WWOX: variants seen among roughly 807,000 people sequenced by gnomAD.
The protein encoded by WWOX is WW domain containing oxidoreductase, also known as WW domain-containing oxidoreductase.
A neutral mutation model predicts 46.2 loss-of-function variants in WWOX; 69 were observed. That is an observed-to-expected ratio of 1.49 (90% CI 1.23 to 1.82). WWOX has a LOEUF of 1.82. Among genes scored for constraint, WWOX ranks in the 40% most tolerant of loss-of-function variants. The pLI is 0.00. For missense variants in WWOX, 919 were observed against 542.6 expected, an observed-to-expected ratio of 1.69 and a Z score of -6.89; for synonymous variants, 359 against 202.6, an observed-to-expected ratio of 1.77 and a Z score of -6.56.
At chr16:78,932,031 A>T (rs1046593969) in intron 8 of WWOX, among the ~76,000 whole-genome samples, 2 of 152,200 alleles carry the variant, frequency 1.3e-5, no homozygotes, top group African/African-American at 4.8e-5. Context: ...TTCTGCCGTG[A>T]TTGTGAGACT....
At chr16:78,506,556 A>T (rs1430244995) in intron 8 of WWOX, 3 of 152,016 alleles carry the variant, frequency 2.0e-5, no homozygotes, top group Admixed American at 2.0e-4. Context: ...GGATGCAGGG[A>T]CACAGAATCC....
At chr16:79,089,625 C>A (rs1467939899) in intron 8 of WWOX, among the ~76,000 whole-genome samples, 2 of 152,178 alleles carry the variant, frequency 1.3e-5, no homozygotes, top group African/African-American at 4.8e-5. Context: ...CCACCACGCC[C>A]TGCTAAGGTG....
At chr16:78,537,438 C>T (rs1467263054) in intron 8 of WWOX, among the ~76,000 whole-genome samples, 1 of 152,152 alleles carries the variant, frequency 6.6e-6, no homozygotes, top group East Asian at 1.9e-4. Context: ...AGATGTTGAG[C>T]CCATTAATGT....
chr16:78,744,496 G>T (rs1372632537), intron 8 of WWOX, among the ~76,000 whole-genome samples: 4 of 134,882 alleles, frequency 3.0e-5, no homozygotes, highest in Non-Finnish European at 4.5e-5. Context: ...CAGTGGCACA[G>T]TCTTGGCTCA....
At chr16:78,593,493 T>G (rs1423105728) in intron 8 of WWOX, among the ~76,000 whole-genome samples, 1 of 152,146 alleles carries the variant, frequency 6.6e-6, no homozygotes, top group Non-Finnish European at 1.5e-5. Context: ...CAGCCAGAGG[T>G]GGGCACATGA....
chr16:78,831,658 A>G (rs940908447), intron 8 of WWOX, among the ~76,000 whole-genome samples: 4 of 152,186 alleles, frequency 2.6e-5, no homozygotes, highest in Admixed American at 6.5e-5. Context: ...TGAAAGAGTG[A>G]TCATAATACT....
chr16:78,320,018 G>C lies in WWOX; in HGVS notation c.517-66842G>C, dbSNP rs1597478289. Among the ~76,000 whole-genome samples, 8 of 152,214 alleles carry C rather than the reference G, an allele frequency of 5.3e-5. No homozygotes were observed. The South Asian group carries it at 1.7e-3, about 32-fold the overall frequency. Reference sequence around the variant, plus strand: ...TTATATCTTTTAACTTTATTTCTTAGCACTTATCATGCTGTATGGATAATG... The same window carrying C: ...TTATATCTTTTAACTTTATTTCTTACCACTTATCATGCTGTATGGATAATG... On this transcript the variant is annotated intron_variant, in intron 5 of 8. Coordinates refer to ENST00000566780, the MANE Select transcript of WWOX (RefSeq NM_016373.4).
At chr16:79,091,741 GCA>G (rs940560906) in intron 8 of WWOX, among the ~76,000 whole-genome samples, 1 of 150,166 alleles carries the variant, frequency 6.7e-6, no homozygotes, top group Non-Finnish European at 1.5e-5. Flanking sequence ...GAGGGTTTCT[GCA>G]CACACCCGAC....
chr16:78,112,156 C>G (rs1399063707), intron 3 of WWOX, among the ~76,000 whole-genome samples: 2 of 152,200 alleles, frequency 1.3e-5, no homozygotes, highest in Non-Finnish European at 2.9e-5. Flanking sequence ...GGGCTGGACC[C>G]TACAACTTTA....
In WWOX at chr16:78,753,846, ATATATATATG is replaced by A. The variant is rs1282685209; in HGVS notation, c.1056+321100_1056+321109del. Among the ~76,000 whole-genome samples, 457 of 105,874 alleles carry A rather than the reference ATATATATATG, an allele frequency of 4.3e-3. 6 individuals carry two copies. Among genetic ancestry groups the A allele is most frequent in the African/African-American group, 0.015 (348 of 23,834 alleles). The allele number at this position is 105,874 out of a possible 152,430, so 69.5% of individuals were successfully genotyped here. A position where few individuals can be genotyped will look rare whatever the true frequency, so the allele number is the denominator to read the frequency against. ...AAAAAATATATATATATATATATAT[ATATATATATG>A]TATATGTATATGTATATATAAATTT... On this transcript the variant is annotated intron_variant, in intron 8 of 8. Transcript: ENST00000566780.
Position 78,099,788 on chromosome 16 carries a change from C to T in WWOX, c.10C>T (p.Leu4=), listed in dbSNP as rs751733610. MAA[L]RYAGLDDTDS... Reference sequence around the variant, plus strand: ...GCCTCCACAGTCAGCCATGGCAGCGCTGCGCTACGCGGGGCTGGACGACAC... The same window carrying T: ...GCCTCCACAGTCAGCCATGGCAGCGTTGCGCTACGCGGGGCTGGACGACAC... The change falls in exon 1 of 9, where the codon CTG becomes TTG. Residue 4 remains leucine (L), a synonymous_variant. Transcript: ENST00000566780. The T allele has an allele frequency of 1.3e-6, 2 of 1,557,606 alleles. No individual in the cohort carries two copies. The highest frequency in any genetic ancestry group is 1.2e-5 in the South Asian group (1 of 83,766).
intron 8 of WWOX, among the ~76,000 whole-genome samples, chr16:78,960,489 A>G (rs1163348544): frequency 6.6e-6 from 1 of 152,204 alleles, no homozygotes; most frequent in Non-Finnish European, 1.5e-5. Flanking sequence ...GCTTAAATCT[A>G]CTGGAGATTA....
At chr16:79,024,997 C>G (rs72795606) in intron 8 of WWOX, among the ~76,000 whole-genome samples, 3 of 152,168 alleles carry the variant, frequency 2.0e-5, no homozygotes, top group Admixed American at 1.3e-4. Flanking sequence ...AGGACCTGAG[C>G]TGATGTAAAT....
At chr16:78,139,973 A>G (rs995260446) in intron 4 of WWOX, among the ~76,000 whole-genome samples, 1 of 152,186 alleles carries the variant, frequency 6.6e-6, no homozygotes, top group Non-Finnish European at 1.5e-5. Flanking sequence ...AGGGCGTCCC[A>G]TAAGTTTTGA....
intron 8 of WWOX, among the ~76,000 whole-genome samples, chr16:78,489,148 T>C (rs57503379): frequency 0.04 from 6,045 of 152,256 alleles, 260 homozygotes; most frequent in African/African-American, 0.11. Flanking sequence ...TTAAGTTTTT[T>C]ATAGGAGTCA....
chr16:78,336,602 C>G (rs1195755302), intron 5 of WWOX, among the ~76,000 whole-genome samples: 1 of 151,122 alleles, frequency 6.6e-6, no homozygotes, highest in African/African-American at 2.4e-5. Flanking sequence ...GAGGACCTGT[C>G]AAACAACACA....
At chr16:78,810,094 A>G (rs865848716) in intron 8 of WWOX, among the ~76,000 whole-genome samples, 1 of 152,146 alleles carries the variant, frequency 6.6e-6, no homozygotes, top group Admixed American at 6.5e-5. Flanking sequence ...CCAGACCTAA[A>G]CCAGTGAATT....
At chr16:78,464,385 G>C in intron 8 of WWOX, among the ~76,000 whole-genome samples, 1 of 151,996 alleles carries the variant, frequency 6.6e-6, no homozygotes, top group East Asian at 1.9e-4. Flanking sequence ...GAGGTAGAGA[G>C]GCAGGGAGAT....
chr16:78,128,072 G>A (rs1313327083), intron 4 of WWOX, among the ~76,000 whole-genome samples: 1 of 152,124 alleles, frequency 6.6e-6, no homozygotes, highest in Non-Finnish European at 1.5e-5. Flanking sequence ...TGGCGTTTGG[G>A]GAAAAATCAT....
Sources: gnomAD v4.1 joint callset for allele counts (sites outside exome capture counted in the v4.1 genomes callset) on GRCh38, gnomAD v4.1.1 for gene constraint, MANE v1.5 for transcripts, NCBI Gene and HGNC (gene_info 2026-07-23, HGNC 2026-07-21) for gene names.